Variants in PDE12 observed in about 807,000 individuals in gnomAD.
The protein encoded by PDE12 is 2',5'-phosphodiesterase 12.
A neutral mutation model predicts 45.4 loss-of-function variants in PDE12; 26 were observed. That is an observed-to-expected ratio of 0.57 (90% CI 0.42 to 0.79). The LOEUF (loss-of-function observed/expected upper bound fraction) is 0.79. Ranked by LOEUF, PDE12 falls within the 30% of genes least tolerant of loss-of-function variation. PDE12 has a pLI of 0.00. For synonymous variants in PDE12, 283 were observed against 323.9 expected, an observed-to-expected ratio of 0.87 and a Z score of 1.36; for missense variants, 668 against 790.0, an observed-to-expected ratio of 0.85 and a Z score of 1.85.
the PDE12 span, among the ~76,000 whole-genome samples, chr3:57,612,009 AG>A: frequency 6.6e-6 from 1 of 152,052 alleles, no homozygotes; most frequent in Non-Finnish European, 1.5e-5. Flanking sequence ...CATCAATGAG[AG>A]ACTGGATTAA....
At chr3:57,590,204 A>G in the PDE12 span, among the ~76,000 whole-genome samples, 1 of 150,898 alleles carries the variant, frequency 6.6e-6, no homozygotes, top group African/African-American at 2.4e-5. Flanking sequence ...TGAAAAATTG[A>G]GGCCGGGTGC....
At chr3:57,591,402 G>GAAAAA in the PDE12 span, among the ~76,000 whole-genome samples, 1 of 143,770 alleles carries the variant, frequency 7.0e-6, no homozygotes, top group African/African-American at 2.5e-5. Flanking sequence ...TAATGAAAAG[G>GAAAAA]AAAAAAAAAA....
the PDE12 span, among the ~76,000 whole-genome samples, chr3:57,615,798 T>C: frequency 6.6e-6 from 1 of 151,598 alleles, no homozygotes; most frequent in Non-Finnish European, 1.5e-5. Context: ...AGCGAGACTC[T>C]ATCTCAAGAA....
chr3:57,644,478 G>A, the PDE12 span, among the ~76,000 whole-genome samples: 4 of 150,766 alleles, frequency 2.7e-5, no homozygotes, highest in Admixed American at 6.6e-5. Flanking sequence ...GCTAATTTTT[G>A]TATTTTTTTT....
At chr3:57,579,705 G>A in the PDE12 span, among the ~76,000 whole-genome samples, 1 of 152,146 alleles carries the variant, frequency 6.6e-6, no homozygotes, top group East Asian at 1.9e-4. Context: ...TTAGCAAATT[G>A]TAAGTCCATT....
Position 57,556,649 on chromosome 3 carries a change from C to G in PDE12, c.270C>G (p.Ala90=). The part of the protein sequence containing the change: ...TNALKGHAKA[A]AAKKSRKSRP... ...CCCTAAAGGGTCACGCTAAGGCGGC[C>G]GCCGCCAAGAAGAGCAGGAAGAGCC... The change falls in exon 1 of 3, where the codon GCC becomes GCG. Residue 90 remains alanine (A), a synonymous_variant. Coordinates refer to ENST00000311180, the MANE Select transcript of PDE12 (RefSeq NM_177966.7). This position sits in a 1 kb window ranked among gnomAD's most constrained non-coding sequence, Gnocchi z 5.0. 1 of 1,600,764 alleles carries G rather than the reference C, an allele frequency of 6.2e-7. No homozygotes were observed.
chr3:57,653,034 C>T, the PDE12 span, among the ~76,000 whole-genome samples: 4 of 152,150 alleles, frequency 2.6e-5, no homozygotes, highest in East Asian at 1.9e-4. Context: ...TTGATGGTTG[C>T]GTTGTATACT....
At chr3:57,598,491 A>G in the PDE12 span, among the ~76,000 whole-genome samples, 2 of 152,218 alleles carry the variant, frequency 1.3e-5, no homozygotes, top group South Asian at 4.1e-4. Context: ...ATTAAAAGCA[A>G]AAACTTCTGG....
At position 57,556,370 on chromosome 3, in the gene PDE12, C is replaced by T. The variant is rs776963722; in HGVS notation, c.-10C>T. 15 of 1,555,486 alleles carry T rather than the reference C, an allele frequency of 9.6e-6. No individual in the cohort carries two copies. Among genetic ancestry groups the T allele is most frequent in the Non-Finnish European group, 1.2e-5 (14 of 1,150,560 alleles). ...CCGCGGGTCTTGTCGACCGCTAGGCCACCAGGTTCATGTGGAGGCTCCCAG... is the reference window on the plus strand; with the variant it reads ...CCGCGGGTCTTGTCGACCGCTAGGCTACCAGGTTCATGTGGAGGCTCCCAG... On this transcript the variant is annotated 5_prime_UTR_variant, in exon 1 of 3. Coordinates refer to ENST00000311180, the MANE Select transcript of PDE12 (RefSeq NM_177966.7). The surrounding 1 kb of genome is among the most constrained non-coding windows in gnomAD (Gnocchi z 5.0).
chr3:57,594,918 G>C, the PDE12 span, among the ~76,000 whole-genome samples: 1 of 152,088 alleles, frequency 6.6e-6, no homozygotes, highest in African/African-American at 2.4e-5. Flanking sequence ...TCCCTCGTAC[G>C]TTGATACTTC....
the PDE12 span, chr3:57,629,009 A>G: frequency 1.4e-6 from 1 of 728,050 alleles, no homozygotes; most frequent in Non-Finnish European, 2.2e-6. Flanking sequence ...TATTTAACCC[A>G]GATATAGCAT....
chr3:57,594,053 C>T, the PDE12 span, among the ~76,000 whole-genome samples: 13 of 152,078 alleles, frequency 8.5e-5, no homozygotes, highest in East Asian at 1.9e-3. Flanking sequence ...GTCAGGAGTT[C>T]GAGACTAGCC....
the PDE12 span, chr3:57,630,734 C>T: frequency 2.3e-5 from 37 of 1,613,538 alleles, no homozygotes; most frequent in Middle Eastern, 1.6e-4. Flanking sequence ...CCAATCCAAT[C>T]GCCTTTTATT....
chr3:57,631,072 T>A, the PDE12 span: 1 of 1,146,490 alleles, frequency 8.7e-7, no homozygotes, highest in Non-Finnish European at 1.3e-6. Context: ...TTTTTAATCA[T>A]ATGCCCTTTC....
At chr3:57,621,802 GAAAA>G in the PDE12 span, among the ~76,000 whole-genome samples, 1 of 139,512 alleles carries the variant, frequency 7.2e-6, no homozygotes, top group Non-Finnish European at 1.6e-5. Flanking sequence ...TTTAAAAAAT[GAAAA>G]AAAAAAAGTC....
the PDE12 span, among the ~76,000 whole-genome samples, chr3:57,648,166 C>T: frequency 2.6e-5 from 4 of 152,112 alleles, no homozygotes; most frequent in South Asian, 2.1e-4. Flanking sequence ...GCAAAGTTTC[C>T]GAATACAAAA....
chr3:57,651,091 A>G, the PDE12 span, among the ~76,000 whole-genome samples: 2 of 152,104 alleles, frequency 1.3e-5, no homozygotes, highest in Non-Finnish European at 2.9e-5. Flanking sequence ...GCCCATCCAC[A>G]TGGAATATTA....
the PDE12 span, among the ~76,000 whole-genome samples, chr3:57,642,292 C>G: frequency 1.6e-5 from 2 of 126,876 alleles, no homozygotes; most frequent in Non-Finnish European, 3.1e-5. Context: ...CCAGCCTGGG[C>G]AGCAGAGTGA....
At chr3:57,568,752 G>A (rs997100449), downstream of PDE12, among the ~76,000 whole-genome samples, 3 of 147,970 alleles carry the variant, frequency 2.0e-5, no homozygotes, top group Non-Finnish European at 4.4e-5. Flanking sequence ...AAGGTAAGTG[G>A]AAAATTTCAT....
Sources: allele counts gnomAD v4.1 joint callset (sites outside exome capture counted in the v4.1 genomes callset), GRCh38; gene constraint gnomAD v4.1.1; non-coding constraint Gnocchi (gnomAD v3.1); transcripts MANE v1.5; gene names NCBI Gene and HGNC (gene_info 2026-07-23, HGNC 2026-07-21).